The following KATNIP variants were observed in gnomAD, a reference collection of about 807,000 sequenced individuals.
KATNIP encodes the protein katanin interacting protein.
A neutral mutation model predicts 174.0 loss-of-function variants in KATNIP; 126 were observed. The ratio of observed to expected loss-of-function variants is 0.72; its 90% CI spans 0.63 to 0.84. The LOEUF (loss-of-function observed/expected upper bound fraction) is 0.84. Ranked by LOEUF, KATNIP falls within the 40% of genes least tolerant of loss-of-function variation. KATNIP has a pLI of 0.00. For synonymous variants in KATNIP, 810 were observed against 835.7 expected (o/e 0.97, Z 0.53); for missense variants, 1,958 against 2,109.7 (o/e 0.93, Z 1.41).
At chr16:27,568,261 T>C (rs1229718735) in intron 1 of KATNIP, among the ~76,000 whole-genome samples, 1 of 152,324 alleles carries the variant, frequency 6.6e-6, no homozygotes, top group East Asian at 1.9e-4. Context: ...GGATTCATCA[T>C]ATTTGTTCAG....
At chr16:27,625,865 T>C (rs2076317087) in intron 3 of KATNIP, among the ~76,000 whole-genome samples, 1 of 151,844 alleles carries the variant, frequency 6.6e-6, no homozygotes, top group South Asian at 2.1e-4. Flanking sequence ...CTTTTTTTTT[T>C]TGGAGACAAG....
At chr16:27,757,809 A>T (rs966439428) in intron 18 of KATNIP, among the ~76,000 whole-genome samples, 2 of 152,190 alleles carry the variant, frequency 1.3e-5, no homozygotes, top group African/African-American at 4.8e-5. Context: ...GCTTTAATAA[A>T]GTGACCCGGG....
At chr16:27,689,141 C>T (rs2078626889) in intron 8 of KATNIP, among the ~76,000 whole-genome samples, 2 of 152,198 alleles carry the variant, frequency 1.3e-5, no homozygotes, top group African/African-American at 2.4e-5. Context: ...GGTGGCCAGG[C>T]GTAGTAGATC....
chr16:27,777,880 G>A lies in KATNIP; in HGVS notation c.4713-1G>A. The A allele has an allele frequency of 1.2e-6, 2 of 1,614,080 alleles. No individual in the cohort carries two copies. The highest frequency in any genetic ancestry group is 1.7e-6 in the Non-Finnish European group (2 of 1,179,906). ...ATCTTGTGTTTCCTTCCTACCCTCA[G>A]TAATCAGGCCGAGGATCAAGATGTC... On this transcript the variant is annotated splice_acceptor_variant, in intron 26 of 27. Coordinates refer to ENST00000261588, the MANE Select transcript of KATNIP (RefSeq NM_015202.5). LOFTEE classifies it high-confidence loss of function. The surrounding 1 kb of genome is among the most constrained non-coding windows in gnomAD (Gnocchi z 4.4).
chr16:27,571,425 G>C (rs1265053639), intron 1 of KATNIP, among the ~76,000 whole-genome samples: 1 of 151,264 alleles, frequency 6.6e-6, no homozygotes, highest in Non-Finnish European at 1.5e-5. Flanking sequence ...CAACCATAAA[G>C]ATGATTCAGC....
At chr16:27,632,460 C>A in intron 5 of KATNIP, 2 of 377,428 alleles carry the variant, frequency 5.3e-6, no homozygotes, top group South Asian at 1.9e-5. Context: ...CTTCATGCCT[C>A]TCCATGGATC....
intron 2 of KATNIP, among the ~76,000 whole-genome samples, chr16:27,587,159 C>G (rs561052903): frequency 6.6e-6 from 1 of 152,088 alleles, no homozygotes; most frequent in Non-Finnish European, 1.5e-5. Flanking sequence ...CAGAATGGAG[C>G]TGAAAATAGA....
intron 15 of KATNIP, among the ~76,000 whole-genome samples, chr16:27,746,780 TG>T (rs1235628301): frequency 4.6e-5 from 7 of 152,002 alleles, no homozygotes; most frequent in Non-Finnish European, 1.0e-4. Context: ...CCAGCGGGGC[TG>T]GAGCTGAAAG....
intron 13 of KATNIP, among the ~76,000 whole-genome samples, chr16:27,713,802 GTATATACATATATATATATATATA>G (rs1384937355): frequency 6.5e-5 from 3 of 46,320 alleles, no homozygotes; most frequent in African/African-American, 2.0e-4. Context: ...GTGTGTGTGT[GTATATACATATATATATATATATA>G]TATATATATA....
At chr16:27,707,007 C>T (rs1458471909) in intron 12 of KATNIP, among the ~76,000 whole-genome samples, 1 of 152,184 alleles carries the variant, frequency 6.6e-6, no homozygotes, top group Non-Finnish European at 1.5e-5. Context: ...TTCGAGGGCC[C>T]AGCTGATCAA....
intron 8 of KATNIP, 92 bp downstream of exon 8, chr16:27,681,622 C>T (rs2078346898): frequency 1.4e-6 from 2 of 1,457,316 alleles, no homozygotes; most frequent in South Asian, 1.1e-5. Context: ...CTTCATTACC[C>T]TCCTTGCAGA....
At chr16:27,678,085 C>T in intron 7 of KATNIP, 89 bp downstream of exon 7, 4 of 1,450,806 alleles carry the variant, frequency 2.8e-6, no homozygotes, top group Non-Finnish European at 3.8e-6. Context: ...CTTTGAGTTC[C>T]TCTTTGGGTA....
Position 27,774,975 on chromosome 16 carries a change from C to A in KATNIP, c.4340C>A (p.Ser1447Tyr). 1 of 1,613,984 alleles carries A rather than the reference C, an allele frequency of 6.2e-7. No individual in the cohort carries two copies. The highest frequency in any genetic ancestry group is 8.5e-7 in the Non-Finnish European group (1 of 1,179,962). Residue 1447 changes from serine (S) to tyrosine (Y), a missense_variant, in exon 24 of 28, where the codon TCC (serine) becomes TAC (tyrosine). Physicochemically the swap from Ser to Tyr is moderately radical, Grantham distance 144 (BLOSUM62 -2). Around this residue, in one of 3 missense-constraint regions of KATNIP, gnomAD observed 383 missense variants for 456.0 expected, o/e 0.84. Transcript: ENST00000261588. ...NIAAFPDSVN[S>Y]LEGVGGDVRT... ...GCGGCCTTCCCCGACAGCGTGAACT[C>A]CCTGGAGGGTGTGGGCGGGGACGTC...
At chr16:27,619,424 G>C (rs968426035) in intron 3 of KATNIP, among the ~76,000 whole-genome samples, 1 of 152,232 alleles carries the variant, frequency 6.6e-6, no homozygotes. Flanking sequence ...CTGGTGGGGG[G>C]AAGGGGAAGA....
intron 2 of KATNIP, among the ~76,000 whole-genome samples, chr16:27,577,694 TGA>T (rs1169296670): frequency 6.6e-6 from 1 of 151,530 alleles, no homozygotes; most frequent in African/African-American, 2.4e-5. Context: ...TTGTCTCAAA[TGA>T]AATGAAATGA....
intron 17 of KATNIP, among the ~76,000 whole-genome samples, chr16:27,752,866 C>T (rs891538881): frequency 2.6e-5 from 4 of 152,182 alleles, no homozygotes; most frequent in African/African-American, 9.7e-5. Context: ...ATAAACAAAT[C>T]TTTTAAAATG....
chr16:27,616,146 A>G (rs1379238537), intron 2 of KATNIP, among the ~76,000 whole-genome samples: 2 of 151,982 alleles, frequency 1.3e-5, no homozygotes. Flanking sequence ...CCAAGGTGGG[A>G]GGACCACCTG....
At chr16:27,618,326 C>T in intron 2 of KATNIP, 99 bp from the exon 3 acceptor site, 1 of 916,926 alleles carries the variant, frequency 1.1e-6, no homozygotes, top group Non-Finnish European at 1.8e-6. Flanking sequence ...AGGTCAGCCT[C>T]CGCCTCTCAG....
At chr16:27,728,512 ACT>A (rs1382076286) in intron 14 of KATNIP, among the ~76,000 whole-genome samples, 1 of 151,920 alleles carries the variant, frequency 6.6e-6, no homozygotes, top group East Asian at 1.9e-4. Flanking sequence ...CTCACGGCAA[ACT>A]CTACCCCCTG....
Sources: gnomAD v4.1 joint callset for allele counts (sites outside exome capture counted in the v4.1 genomes callset) on GRCh38, gnomAD v4.1.1 for gene constraint, gnomAD v4.1.1 regional missense constraint, Gnocchi (gnomAD v3.1) non-coding constraint, MANE v1.5 for transcripts, NCBI Gene and HGNC (gene_info 2026-07-23, HGNC 2026-07-21) for gene names.